Variants in ADGB observed in about 807,000 individuals in gnomAD.
The protein encoded by ADGB is calpain-7-like protein.
A neutral mutation model predicts 210.5 loss-of-function variants in ADGB; 172 were observed. That is an observed-to-expected ratio of 0.82 (90% CI 0.72 to 0.93). ADGB has a LOEUF of 0.93. Ranked by LOEUF, ADGB falls within the 40% of genes least tolerant of loss-of-function variation. ADGB has a pLI of 0.00. For missense variants in ADGB, 2,025 were observed against 1,964.8 expected, an observed-to-expected ratio of 1.03 and a Z score of -0.58; for synonymous variants, 658 against 662.7, an observed-to-expected ratio of 0.99 and a Z score of 0.11.
intron 29 of ADGB, chr6:146,770,480 T>C: frequency 2.5e-6 from 1 of 406,968 alleles, no homozygotes. Flanking sequence ...CGGCCTCTTC[T>C]GAGGTTCCTC....
In ADGB at chr6:146,809,270, ATC is replaced by A. The variant is rs563613785; in HGVS notation, c.4819-5759_4819-5758del. Among the ~76,000 whole-genome samples, 13 of 152,274 alleles carry A rather than the reference ATC, an allele frequency of 8.5e-5. No homozygotes were observed. In the South Asian group the frequency reaches 2.7e-3, roughly 32 times the overall value. On this transcript the variant is annotated intron_variant, in intron 35 of 35. Transcript: ENST00000397944. ...GCCTAGGCTAGAGTGCAATGGCGCA[ATC>A]TCGGCTCAATGCAAACCTCCGCCTC...
In ADGB at chr6:146,733,194, A is replaced by C. The variant is rs143904280; in HGVS notation, c.2595A>C (p.Ala865=). 386 of 1,544,180 alleles carry C rather than the reference A, an allele frequency of 2.5e-4. No individual in the cohort carries two copies. In the East Asian group the frequency reaches 7.0e-3, roughly 28 times the overall value. The change falls in exon 21 of 36, where the codon GCA becomes GCC. Residue 865 remains alanine, a synonymous_variant. Transcript: ENST00000397944. ...ITKPPPNFKF[A]FRAMVLDLEL... ...AACCTCCTCCAAACTTCAAATTTGC[A>C]TTCCGGGCTATGGTTTTGGACTTGG...
chr6:146,745,737 A>G (rs1260188879), intron 25 of ADGB, among the ~76,000 whole-genome samples, 185 bp from the exon 26 acceptor site: 1 of 152,152 alleles, frequency 6.6e-6, no homozygotes, highest in Non-Finnish European at 1.5e-5. Context: ...TTTCCTGAAA[A>G]CTTTGTAGGA....
intron 26 of ADGB, among the ~76,000 whole-genome samples, chr6:146,749,753 C>A (rs781066783): frequency 1.3e-5 from 2 of 151,808 alleles, no homozygotes; most frequent in Admixed American, 6.6e-5. Flanking sequence ...GCTGGAGAAG[C>A]CTCAGGAATC....
chr6:146,750,722 C>T (rs756187325), intron 26 of ADGB, among the ~76,000 whole-genome samples: 12 of 152,142 alleles, frequency 7.9e-5, no homozygotes, highest in African/African-American at 1.9e-4. Context: ...AAAAGGGGAG[C>T]GGGAAAGAAT....
At chr6:146,773,093 A>G (rs1377241031) in intron 29 of ADGB, among the ~76,000 whole-genome samples, 2 of 152,136 alleles carry the variant, frequency 1.3e-5, no homozygotes, top group Non-Finnish European at 2.9e-5. Context: ...ATTCAAGGCC[A>G]TTCCCATTTC....
chr6:146,622,777 A>G (rs964630217), intron 1 of ADGB, among the ~76,000 whole-genome samples: 1 of 152,034 alleles, frequency 6.6e-6, no homozygotes, highest in Non-Finnish European at 1.5e-5. Context: ...CTTTAATGTT[A>G]TATTCAAGAT....
In ADGB at chr6:146,691,214, A is replaced by G; in HGVS notation, c.1410A>G (p.Pro470=). The G allele has an allele frequency of 1.3e-6, 2 of 1,549,510 alleles. No homozygotes were observed. The highest frequency in any genetic ancestry group is 8.7e-7 in the Non-Finnish European group (1 of 1,146,436). Residue 470 remains proline, a synonymous_variant, in exon 11 of 36, where the codon CCA becomes CCG. Transcript: ENST00000397944. ...TRSRSCPLVA[P]PKPPPLPPWK... ...GTAGGTCTTGTCCTCTGGTAGCACC[A>G]CCAAAACCACCTCCTCTACCTCCCT...
Position 146,799,533 on chromosome 6 carries a change from GA to G in ADGB, c.4538-1649del, listed in dbSNP as rs1408955152. On this transcript the variant is annotated intron_variant, in intron 33 of 35. Coordinates refer to ENST00000397944, the MANE Select transcript of ADGB (RefSeq NM_024694.4). ...TAGCAACAGAGCAAGACTCTGGGGG[GA>G]GAAAAAAAAAAAAAAAAAAGGAAGG... is the stretch of plus-strand genomic sequence containing the variant. Among the ~76,000 whole-genome samples, 608 of 94,588 alleles carry G rather than the reference GA, an allele frequency of 6.4e-3. 1 individual carries two copies. Among genetic ancestry groups the G allele is most frequent in the Non-Finnish European group, 0.01 (464 of 46,248 alleles). 62.1% of individuals were successfully genotyped at this position (94,588 alleles called of 152,430 possible).
At chr6:146,734,746 C>CA (rs1330580385) in intron 22 of ADGB, among the ~76,000 whole-genome samples, 1 of 151,992 alleles carries the variant, frequency 6.6e-6, no homozygotes, top group South Asian at 2.1e-4. Flanking sequence ...CATGTCTCTA[C>CA]AAAAAATATA....
intron 1 of ADGB, among the ~76,000 whole-genome samples, chr6:146,610,722 G>C (rs1312393011): frequency 2.0e-5 from 3 of 152,116 alleles, no homozygotes; most frequent in Non-Finnish European, 4.4e-5. Flanking sequence ...CATTGGAGGG[G>C]CCAAGATATT....
chr6:146,756,742 A>C (rs7770632), intron 27 of ADGB, among the ~76,000 whole-genome samples: 1 of 151,108 alleles, frequency 6.6e-6, no homozygotes, highest in Non-Finnish European at 1.5e-5. Context: ...TTTGTTCCTA[A>C]ATTTTTTTTT....
intron 9 of ADGB, among the ~76,000 whole-genome samples, chr6:146,679,074 G>A (rs974021990): frequency 7.2e-5 from 11 of 152,140 alleles, no homozygotes; most frequent in African/African-American, 2.7e-4. Context: ...AAAACAAGCT[G>A]TATTGTATAT....
At chr6:146,685,645 C>A in intron 9 of ADGB, 89 bp from the exon 10 acceptor site, 1 of 602,326 alleles carries the variant, frequency 1.7e-6, no homozygotes, top group South Asian at 3.6e-5. Flanking sequence ...AAGATAAATT[C>A]ATTAAGGCAA....
chr6:146,602,887 CT>C (rs1436393379), intron 1 of ADGB, among the ~76,000 whole-genome samples: 1 of 152,198 alleles, frequency 6.6e-6, no homozygotes, highest in African/African-American at 2.4e-5. Flanking sequence ...ATGCATCCCC[CT>C]CTCCATCCAT....
intron 25 of ADGB, among the ~76,000 whole-genome samples, chr6:146,741,476 T>C (rs895340667): frequency 1.3e-5 from 2 of 152,164 alleles, no homozygotes; most frequent in African/African-American, 4.8e-5. Context: ...CTCTCAACGC[T>C]CTTTCTTCTT....
intron 1 of ADGB, among the ~76,000 whole-genome samples, chr6:146,600,924 G>GCACACA (rs1491470582): frequency 6.1e-4 from 29 of 47,574 alleles, no homozygotes; most frequent in Middle Eastern, 0.011. Flanking sequence ...CCTCCCCCAT[G>GCACACA]CGCACACACA....
At chr6:146,743,359 T>G (rs1777185131) in intron 25 of ADGB, among the ~76,000 whole-genome samples, 1 of 152,180 alleles carries the variant, frequency 6.6e-6, no homozygotes, top group Admixed American at 6.5e-5. Flanking sequence ...CGAATCTGAT[T>G]ATTATTTACA....
chr6:146,788,930 G>A (rs1777918333), intron 33 of ADGB, among the ~76,000 whole-genome samples: 1 of 152,158 alleles, frequency 6.6e-6, no homozygotes, highest in Non-Finnish European at 1.5e-5. Flanking sequence ...GTTAAACACA[G>A]ATTTTTTTGT....
Sources: allele counts gnomAD v4.1 joint callset (sites outside exome capture counted in the v4.1 genomes callset), GRCh38; gene constraint gnomAD v4.1.1; transcripts MANE v1.5; gene names NCBI Gene and HGNC (gene_info 2026-07-23, HGNC 2026-07-21).